Variants in ITGAL observed in about 807,000 individuals in gnomAD.
ITGAL encodes integrin alpha-L.
ITGAL carries 68 observed loss-of-function variants against 138.4 expected under a neutral mutation model. The ratio of observed to expected loss-of-function variants is 0.49; its 90% CI spans 0.40 to 0.60. The LOEUF is 0.60. Among genes scored for constraint, ITGAL ranks in the 20% least tolerant of loss-of-function variants. ITGAL has a pLI of 0.00. For missense variants in ITGAL, 1,256 were observed against 1,478.6 expected, an observed-to-expected ratio of 0.85 and a Z score of 2.47; for synonymous variants, 561 against 584.3, an observed-to-expected ratio of 0.96 and a Z score of 0.57.
At chr16:30,519,714 G>A (rs1220110691) in intron 29 of ITGAL, 143 bp from the exon 30 acceptor site, 3 of 691,262 alleles carry the variant, frequency 4.3e-6, no homozygotes, top group Admixed American at 2.0e-5. Context: ...TAGGTGACGT[G>A]TTAAAGGGAG....
At chr16:30,520,483 T>A (rs765988478) in intron 30 of ITGAL, among the ~76,000 whole-genome samples, 2 of 151,988 alleles carry the variant, frequency 1.3e-5, no homozygotes, top group Non-Finnish European at 2.9e-5. Context: ...ATTCAGCCCA[T>A]CCCTGGCAGA....
At chr16:30,477,025 G>C (rs980886698) in intron 4 of ITGAL, among the ~76,000 whole-genome samples, 1 of 152,234 alleles carries the variant, frequency 6.6e-6, no homozygotes, top group East Asian at 1.9e-4. Context: ...AAAGGGTTAA[G>C]AGACTTGACC....
chr16:30,511,230 C>A, intron 24 of ITGAL, 94 bp downstream of exon 24: 1 of 942,970 alleles, frequency 1.1e-6, no homozygotes, highest in Non-Finnish European at 1.7e-6. Context: ...TCCTTCTGAA[C>A]CTCCTTCCTT....
intron 1 of ITGAL, among the ~76,000 whole-genome samples, chr16:30,473,651 A>T (rs1328602588): frequency 6.6e-6 from 1 of 152,208 alleles, no homozygotes; most frequent in African/African-American, 2.4e-5. Flanking sequence ...CGGAAAGGAC[A>T]GCTGGGTGTG....
Position 30,504,170 on chromosome 16 carries a change from C to G in ITGAL, c.2146-5C>G. On this transcript the variant is annotated splice_polypyrimidine_tract_variant and splice_region_variant and intron_variant, in intron 17 of 30. Coordinates refer to ENST00000356798, the MANE Select transcript of ITGAL (RefSeq NM_002209.3). ...TGACATAGGCTGTATTCTTATCACC[C>G]TCAGGTATGTGTTCAAGACCTCATC... The G allele has an allele frequency of 6.2e-7, 1 of 1,606,734 alleles. No homozygotes were observed. Among genetic ancestry groups the G allele is most frequent in the African/African-American group, 1.3e-5 (1 of 74,842 alleles).
rs756080216 is a variant in ITGAL at position 30,499,449 on chromosome 16, C to T, written c.2105C>T (p.Thr702Ile). Residue 702 changes from threonine (T) to isoleucine (I), a missense_variant, in exon 17 of 31, where the codon ACC (threonine) becomes ATC (isoleucine). Around this residue, in one of 3 missense-constraint regions of ITGAL, gnomAD observed 867 missense variants for 972.5 expected, o/e 0.89. Transcript: ENST00000356798. ...RHELRRNIAV[T>I]TSMSCTDFSF... is the part of the protein sequence containing the mutation. ...GAACTCAGAAGGAATATAGCTGTCA[C>T]CACCAGCATGTCATGCACTGACTTC... 5 of 1,613,822 alleles carry T rather than the reference C, an allele frequency of 3.1e-6. No homozygotes were observed. The highest frequency in any genetic ancestry group is 4.2e-6 in the Non-Finnish European group (5 of 1,180,024).
chr16:30,489,571 G>A (rs1254052254), intron 11 of ITGAL, among the ~76,000 whole-genome samples, 185 bp downstream of exon 11: 5 of 152,150 alleles, frequency 3.3e-5, no homozygotes, highest in South Asian at 2.1e-4. Context: ...TCTTGGGGCC[G>A]TGCTAATCCT....
chr16:30,476,046 C>G lies in ITGAL; in HGVS notation c.327+466C>G, dbSNP rs182358880. 2.6e-5 allele frequency among the ~76,000 whole-genome samples: 4 copies of G among 152,098 alleles called. No individual in the cohort carries two copies. The East Asian group carries it at 5.8e-4, about 22-fold the overall frequency. On this transcript the variant is annotated intron_variant, in intron 4 of 30. Coordinates refer to ENST00000356798, the MANE Select transcript of ITGAL (RefSeq NM_002209.3). ...CAGGCGGATCACGAGGTCAGGAGATCGAGACCATCCTGGCTAACACGGTGA... is the reference window on the plus strand; with the variant it reads ...CAGGCGGATCACGAGGTCAGGAGATGGAGACCATCCTGGCTAACACGGTGA...
intron 17 of ITGAL, among the ~76,000 whole-genome samples, chr16:30,501,716 T>C (rs976205285): frequency 6.6e-6 from 1 of 152,068 alleles, no homozygotes; most frequent in East Asian, 1.9e-4. Flanking sequence ...AAGTCTCATG[T>C]ATGGTACATG....
chr16:30,521,547 C>T lies in ITGAL; in HGVS notation c.3395C>T (p.Pro1132Leu), dbSNP rs1437784115. The T allele has an allele frequency of 1.2e-6, 2 of 1,614,130 alleles. No homozygotes were observed. Among genetic ancestry groups the T allele is most frequent in the Admixed American group, 1.7e-5 (1 of 60,008 alleles). ...AAGATGGAGGCTGGCAGAGGTGTCC[C>T]GAATGGAATCCCTGCAGAAGACTCT... ...KEKMEAGRGV[P>L]NGIPAEDSEQ... Residue 1132 changes from proline (P) to leucine (L), a missense_variant, in exon 31 of 31, where the codon CCG becomes CTG. Physicochemically the swap from Pro to Leu is moderately conservative, Grantham distance 98. Coordinates refer to ENST00000356798, the MANE Select transcript of ITGAL (RefSeq NM_002209.3).
At chr16:30,505,641 GCCAA>G (rs1470981915) in intron 20 of ITGAL, among the ~76,000 whole-genome samples, 179 bp downstream of exon 20, 16 of 152,128 alleles carry the variant, frequency 1.1e-4, no homozygotes, top group Admixed American at 1.0e-3. Context: ...ACTTCAGGAG[GCCAA>G]CCAAAGGGGG....
At position 30,506,934 on chromosome 16, in the gene ITGAL, G is replaced by A. The variant is rs970689381; in HGVS notation, c.2508+78G>A. ...CCCTTCTTTGAGCCCCAGGCAGCCA[G>A]GACAGCCTGAACACATGGGCAGCTG... On this transcript the variant is annotated intron_variant, in intron 21 of 30. Transcript: ENST00000356798. 32 of 1,542,852 alleles carry A rather than the reference G, an allele frequency of 2.1e-5. No individual in the cohort carries two copies. In the African/African-American group the frequency reaches 3.9e-4, roughly 19 times the overall value.
In ITGAL at chr16:30,522,671, G is replaced by C. The variant is rs985730584; in HGVS notation, c.*1006G>C. The C allele has an allele frequency of 2.0e-5, 3 of 152,226 alleles. No individual in the cohort carries two copies. The highest frequency in any genetic ancestry group is 7.2e-5 in the African/African-American group (3 of 41,448). 9.4% of individuals were successfully genotyped at this position (152,226 alleles called of 1,614,324 possible). A position where few individuals can be genotyped will look rare whatever the true frequency, so the allele number is the denominator to read the frequency against. On this transcript the variant is annotated 3_prime_UTR_variant, in exon 31 of 31. Coordinates refer to ENST00000356798, the MANE Select transcript of ITGAL (RefSeq NM_002209.3). The surrounding 1 kb of genome is among the most constrained non-coding windows in gnomAD (Gnocchi z 4.0). Reference sequence around the variant, plus strand: ...GCCAGTGGGAAGATACAGAAAAAGAGGGGCTGGGCTGGGCGCGGTGGTTCA... The same window carrying C: ...GCCAGTGGGAAGATACAGAAAAAGACGGGCTGGGCTGGGCGCGGTGGTTCA...
chr16:30,475,790 G>A (rs1316744228), intron 4 of ITGAL, among the ~76,000 whole-genome samples: 1 of 80,522 alleles, frequency 1.2e-5, no homozygotes, highest in East Asian at 3.7e-4. Context: ...TTATTCTATT[G>A]CCCAGGCTGG....
Position 30,521,774 on chromosome 16 carries a change from C to A in ITGAL, c.*109C>A. 1 of 1,050,670 alleles carries A rather than the reference C, an allele frequency of 9.5e-7. No homozygotes were observed. The allele number at this position is 1,050,670 out of a possible 1,614,324, so 65.1% of individuals were successfully genotyped here. On this transcript the variant is annotated 3_prime_UTR_variant, in exon 31 of 31. Coordinates refer to ENST00000356798, the MANE Select transcript of ITGAL (RefSeq NM_002209.3). ...TGCCCTCGGGCGAGTCACTGCCTCT[C>A]CCTGGCCCTCAGTTTCCCTATCTCG...
chr16:30,494,667 T>A lies in ITGAL; in HGVS notation c.1366-46T>A, dbSNP rs1175625562. The stretch of plus-strand genomic sequence containing the variant: ...GTACAGGTATCTCCCTGCCAACCCC[T>A]GCTGTTCCCACAGGCGCTTCCCCAA... On this transcript the variant is annotated intron_variant, in intron 12 of 30. Transcript: ENST00000356798. This position sits in a 1 kb window ranked among gnomAD's most constrained non-coding sequence, Gnocchi z 4.2. 1 of 1,563,976 alleles carries A rather than the reference T, an allele frequency of 6.4e-7. No homozygotes were observed. The highest frequency in any genetic ancestry group is 1.4e-5 in the African/African-American group (1 of 73,690).
chr16:30,495,209 G>C (rs2050782218), intron 13 of ITGAL, among the ~76,000 whole-genome samples: 1 of 152,100 alleles, frequency 6.6e-6, no homozygotes, highest in Non-Finnish European at 1.5e-5. Context: ...ATTTTTAGTA[G>C]ACATGGGGTT....
intron 21 of ITGAL, among the ~76,000 whole-genome samples, chr16:30,508,446 C>T (rs2051038988): frequency 6.6e-6 from 1 of 152,116 alleles, no homozygotes; most frequent in Non-Finnish European, 1.5e-5. Flanking sequence ...CTCCTGTCCT[C>T]AGGTGATCTA....
At position 30,474,139 on chromosome 16, in the gene ITGAL, G is replaced by T. The variant is rs763944912; in HGVS notation, c.62-57G>T. On this transcript the variant is annotated intron_variant, in intron 1 of 30. Transcript: ENST00000356798. ...TGGGCCTGGGATCGGCCACCTGCTG[G>T]GCACGTGCAGGGGCGGGGGTCCCTC... 1.1e-5 allele frequency: 14 copies of T among 1,329,408 alleles called. 1 individual carries two copies. The Admixed American group carries it at 2.4e-4, about 23-fold the overall frequency. The allele number at this position is 1,329,408 out of a possible 1,614,324, so 82.4% of individuals were successfully genotyped here. A position where few individuals can be genotyped will look rare whatever the true frequency, so the allele number is the denominator to read the frequency against.
Sources: gnomAD v4.1 joint callset for allele counts (sites outside exome capture counted in the v4.1 genomes callset) on GRCh38, gnomAD v4.1.1 for gene constraint, gnomAD v4.1.1 regional missense constraint, Gnocchi (gnomAD v3.1) non-coding constraint, MANE v1.5 for transcripts, NCBI Gene and HGNC (gene_info 2026-07-23, HGNC 2026-07-21) for gene names.